TANC1: variants seen among roughly 807,000 people sequenced by gnomAD.
TANC1 encodes the protein protein TANC1.
Under a neutral mutation model 149.7 loss-of-function variants are expected in TANC1, and 77 were observed. The observed-to-expected ratio is 0.51, with a 90% CI of 0.43 to 0.62. The LOEUF (loss-of-function observed/expected upper bound fraction) is 0.62, where lower values mean the gene tolerates loss of function less well. Among genes scored for constraint, TANC1 ranks in the 20% least tolerant of loss-of-function variants. The pLI, the probability that TANC1 is intolerant of heterozygous loss-of-function variation, is 0.00. For missense variants in TANC1, 1,985 were observed against 2,321.8 expected (o/e 0.85, Z 2.98); for synonymous variants, 854 against 925.0 (o/e 0.92, Z 1.39).
chr2:159,215,786 C>CT (rs1347629701), intron 19 of TANC1, among the ~76,000 whole-genome samples: 3 of 152,192 alleles, frequency 2.0e-5, no homozygotes, highest in African/African-American at 7.2e-5. Context: ...GGTTTGGTTT[C>CT]TTTCAATCCT....
At chr2:158,977,221 C>G (rs1573917662) in intron 1 of TANC1, among the ~76,000 whole-genome samples, 1 of 152,222 alleles carries the variant, frequency 6.6e-6, no homozygotes, top group East Asian at 1.9e-4. Context: ...TTCACTGCAG[C>G]CTCCAACTCC....
intron 2 of TANC1, among the ~76,000 whole-genome samples, chr2:159,040,806 G>A (rs930977150): frequency 1.4e-4 from 22 of 152,200 alleles, no homozygotes; most frequent in African/African-American, 4.8e-4. Flanking sequence ...TTCCATTTCT[G>A]GTAAGGAGCT....
chr2:159,056,887 C>T, intron 2 of TANC1: 1 of 287,512 alleles, frequency 3.5e-6, no homozygotes, highest in Non-Finnish European at 7.3e-6. Context: ...TGTACCATTT[C>T]TCCTCATAGG....
At chr2:159,095,168 G>A (rs898792209) in intron 3 of TANC1, among the ~76,000 whole-genome samples, 2 of 151,832 alleles carry the variant, frequency 1.3e-5, no homozygotes, top group Non-Finnish European at 2.9e-5. Context: ...GGCTGGTCTC[G>A]AACTCCTGAC....
chr2:159,175,876 C>T (rs760896223), intron 12 of TANC1, among the ~76,000 whole-genome samples: 1 of 152,184 alleles, frequency 6.6e-6, no homozygotes, highest in African/African-American at 2.4e-5. Flanking sequence ...TTGGAGGAGT[C>T]GGTAGCGTGG....
rs1446289250 is a variant in TANC1 at position 159,117,699 on chromosome 2, T to TC, written c.260-18493dup. On this transcript the variant is annotated intron_variant, in intron 4 of 26. Coordinates refer to ENST00000263635, the MANE Select transcript of TANC1 (RefSeq NM_033394.3). The stretch of plus-strand genomic sequence containing the variant: ...GCGTGAGCCACCGTGCCCGGCCTAT[T>TC]CCTTTTTTTTTTTTTTTTTTTTTTT... Among the ~76,000 whole-genome samples the TC allele has an allele frequency of 5.1e-4, 59 of 116,400 alleles. 3 individuals carry two copies. The East Asian group carries it at 0.013, about 26-fold the overall frequency. 76.4% of individuals were successfully genotyped at this position (116,400 alleles called of 152,430 possible).
chr2:159,158,927 G>A (rs1368474582), intron 7 of TANC1, among the ~76,000 whole-genome samples: 1 of 152,220 alleles, frequency 6.6e-6, no homozygotes, highest in Non-Finnish European at 1.5e-5. Context: ...CTTCTCTGTA[G>A]CTCAAAGAGA....
At chr2:158,990,977 G>GTGGGAGGATTGCTTGAGCC (rs1256071271) in intron 1 of TANC1, among the ~76,000 whole-genome samples, 32 of 151,638 alleles carry the variant, frequency 2.1e-4, no homozygotes, top group Admixed American at 6.6e-4. Context: ...GGAGGCTGAG[G>GTGGGAGGATTGCTTGAGCC]TGGGAGGATT....
intron 5 of TANC1, among the ~76,000 whole-genome samples, 168 bp downstream of exon 5, chr2:159,136,466 C>A (rs2050758299): frequency 6.6e-6 from 1 of 152,180 alleles, no homozygotes; most frequent in Non-Finnish European, 1.5e-5. Flanking sequence ...AACGCAAATT[C>A]TTGGAAATTG....
At chr2:159,010,304 TGGG>T (rs1285786064) in intron 2 of TANC1, among the ~76,000 whole-genome samples, 1 of 152,104 alleles carries the variant, frequency 6.6e-6, no homozygotes, top group Non-Finnish European at 1.5e-5. Flanking sequence ...GTGGCTTAGA[TGGG>T]GGAAAACTGA....
intron 19 of TANC1, among the ~76,000 whole-genome samples, chr2:159,217,014 A>G (rs1402013808): frequency 6.6e-6 from 1 of 152,156 alleles, no homozygotes; most frequent in African/African-American, 2.4e-5. Flanking sequence ...CTCTGAATCT[A>G]TAGTTTAGGC....
chr2:159,228,008 GAGCCCTTCTCCAGCAGTGAAGGCC>G lies in TANC1; in HGVS notation c.4050+57_4050+80del, dbSNP rs775585755. The G allele has an allele frequency of 8.7e-5, 139 of 1,595,612 alleles. 1 individual carries two copies. The Middle Eastern group carries it at 1.6e-3, about 18-fold the overall frequency. ...ATTCCAACCCAGTCTTCCAGCAACA[GAGCCCTTCTCCAGCAGTGAAGGCC>G]AGCCCTTCTCCAGACCAGATCCTGG... is the stretch of plus-strand genomic sequence containing the variant. On this transcript the variant is annotated intron_variant, in intron 25 of 26. Transcript: ENST00000263635.
intron 14 of TANC1, 89 bp from the exon 15 acceptor site, chr2:159,185,702 A>T: frequency 1.2e-6 from 1 of 832,648 alleles, no homozygotes; most frequent in Non-Finnish European, 2.0e-6. Flanking sequence ...TAAATCAGTG[A>T]CTAAGGCAAT....
intron 1 of TANC1, among the ~76,000 whole-genome samples, chr2:158,990,820 C>G (rs541566236): frequency 5.0e-4 from 76 of 152,184 alleles, no homozygotes; most frequent in African/African-American, 1.8e-3. Flanking sequence ...CACCTGTAAT[C>G]CCAGCTCTTT....
rs930548462 is a variant in TANC1, at chr2:159,016,785, A to G, written c.-16+15596A>G. On this transcript the variant is annotated intron_variant, in intron 2 of 26. Transcript: ENST00000263635. ...GAGACAGGGTTTCACTGTGTTAGCC[A>G]GGATGGTCTCGATCTCCTGACCTTG... 6.6e-5 allele frequency among the ~76,000 whole-genome samples: 10 copies of G among 152,170 alleles called. 1 individual carries two copies. The highest frequency in any genetic ancestry group is 3.4e-3 in the Middle Eastern group (1 of 292).
At chr2:159,076,985 G>GT (rs368212119) in intron 3 of TANC1, among the ~76,000 whole-genome samples, 2,486 of 142,256 alleles carry the variant, frequency 0.017, 51 homozygotes, top group African/African-American at 0.054. Context: ...CGTTCATTTT[G>GT]TTTTTTTTTT....
intron 1 of TANC1, among the ~76,000 whole-genome samples, chr2:158,991,308 G>A (rs2035602437): frequency 6.6e-6 from 1 of 152,050 alleles, no homozygotes; most frequent in South Asian, 2.1e-4. Context: ...TTTTTACAGT[G>A]CACGGTCTGA....
intron 16 of TANC1, among the ~76,000 whole-genome samples, chr2:159,188,781 G>C (rs1338736077): frequency 6.6e-6 from 1 of 152,338 alleles, no homozygotes; most frequent in South Asian, 2.1e-4. Flanking sequence ...GTATTGCCTC[G>C]CATATCCCCA....
At chr2:159,095,731 CTCA>C (rs1188637036) in intron 3 of TANC1, among the ~76,000 whole-genome samples, 24 of 38,752 alleles carry the variant, frequency 6.2e-4, no homozygotes, top group African/African-American at 2.5e-3. Flanking sequence ...GCAAGACTGT[CTCA>C]AAAAAAAAAA....
Sources: allele counts gnomAD v4.1 joint callset (sites outside exome capture counted in the v4.1 genomes callset), GRCh38; gene constraint gnomAD v4.1.1; transcripts MANE v1.5; gene names NCBI Gene and HGNC (gene_info 2026-07-23, HGNC 2026-07-21).